The following AGBL4 variants were observed in gnomAD, a reference collection of about 807,000 sequenced individuals.
The protein encoded by AGBL4 is cytosolic carboxypeptidase 6.
A neutral mutation model predicts 66.4 loss-of-function variants in AGBL4; 58 were observed. That is an observed-to-expected ratio of 0.87 (90% CI 0.71 to 1.09). The LOEUF (loss-of-function observed/expected upper bound fraction) is 1.09. AGBL4 is among the 50% of genes least tolerant of loss of function. The pLI, the probability that AGBL4 is intolerant of heterozygous loss-of-function variation, is 0.00. For synonymous variants in AGBL4, 234 were observed against 222.9 expected (o/e 1.05, Z -0.44); for missense variants, 579 against 631.0 (o/e 0.92, Z 0.88).
At chr1:48,605,264 T>C (rs1187348379) in intron 9 of AGBL4, among the ~76,000 whole-genome samples, 2 of 152,192 alleles carry the variant, frequency 1.3e-5, no homozygotes, top group Admixed American at 1.3e-4. Flanking sequence ...GGAATATATT[T>C]TCCACATGTG....
intron 1 of AGBL4, among the ~76,000 whole-genome samples, chr1:49,956,121 T>C (rs1322557132): frequency 6.6e-6 from 1 of 151,884 alleles, no homozygotes; most frequent in East Asian, 1.9e-4. Flanking sequence ...ATCAGAAATA[T>C]GTCAGAACAT....
chr1:48,539,213 A>T (rs1177903790), intron 12 of AGBL4, among the ~76,000 whole-genome samples: 3 of 152,176 alleles, frequency 2.0e-5, no homozygotes, highest in Admixed American at 6.5e-5. Context: ...TGGGTGCTTT[A>T]ACACATATCT....
At position 49,697,357 on chromosome 1, in the gene AGBL4, G is replaced by A. The variant is rs1345349497; in HGVS notation, c.238C>T (p.Arg80Ter). 1.5e-5 allele frequency: 23 copies of A among 1,548,132 alleles called. No individual in the cohort carries two copies. Among genetic ancestry groups the A allele is most frequent in the Admixed American group, 2.0e-5 (1 of 50,948 alleles). ...TCAACAGTAAAGTTGAACCAGACTC[G>A]GAAGCGTGGATTACAGGTGTCCGGC... ...IRPDTCNPRF[R>*]VWFNFTVENV... The change falls in exon 3 of 14, where the codon CGA (arginine) becomes TGA (stop). Residue 80 changes from arginine to a stop codon, truncating the protein, a stop_gained. Transcript: ENST00000371839. LOFTEE classifies it high-confidence loss of function.
intron 1 of AGBL4, among the ~76,000 whole-genome samples, chr1:49,927,879 A>G (rs1652949577): frequency 6.6e-6 from 1 of 152,240 alleles, no homozygotes; most frequent in South Asian, 2.1e-4. Flanking sequence ...AGAATAATCA[A>G]TCAGTTAAAA....
intron 4 of AGBL4, among the ~76,000 whole-genome samples, chr1:49,214,320 G>T (rs1239940630): frequency 6.6e-6 from 1 of 152,090 alleles, no homozygotes; most frequent in African/African-American, 2.4e-5. Context: ...AAATGGGGCT[G>T]GTGTAATTGG....
intron 3 of AGBL4, among the ~76,000 whole-genome samples, chr1:49,412,006 A>C (rs1262314912): frequency 6.6e-6 from 1 of 152,190 alleles, no homozygotes; most frequent in Non-Finnish European, 1.5e-5. Flanking sequence ...TTTCTAGACC[A>C]ATCAATTTCT....
At chr1:49,945,334 T>C (rs1655112829) in intron 1 of AGBL4, among the ~76,000 whole-genome samples, 1 of 152,140 alleles carries the variant, frequency 6.6e-6, no homozygotes, top group East Asian at 1.9e-4. Flanking sequence ...AGGTAACCTA[T>C]AAAGAAAAAC....
intron 3 of AGBL4, among the ~76,000 whole-genome samples, chr1:49,391,643 G>T (rs1420088007): frequency 6.8e-6 from 1 of 147,468 alleles, no homozygotes; most frequent in Admixed American, 7.0e-5. Context: ...CTCACTGCAA[G>T]CTCCGCCTCC....
At chr1:48,603,939 A>G (rs746230165) in intron 9 of AGBL4, among the ~76,000 whole-genome samples, 2 of 151,910 alleles carry the variant, frequency 1.3e-5, no homozygotes, top group Non-Finnish European at 2.9e-5. Context: ...CTCTACTAAG[A>G]AAAACAACAA....
intron 3 of AGBL4, among the ~76,000 whole-genome samples, chr1:49,441,888 C>T (rs570639158): frequency 1.2e-4 from 18 of 152,212 alleles, no homozygotes; most frequent in African/African-American, 2.2e-4. Flanking sequence ...AAAATGGCCA[C>T]GGTGGCAGGG....
intron 5 of AGBL4, among the ~76,000 whole-genome samples, chr1:48,941,598 G>T (rs773050829): frequency 3.9e-5 from 6 of 152,164 alleles, no homozygotes; most frequent in Non-Finnish European, 8.8e-5. Flanking sequence ...AAGCTGTGTG[G>T]GGAAGAGCAA....
At chr1:49,772,100 G>A (rs2147885539) in intron 2 of AGBL4, among the ~76,000 whole-genome samples, 1 of 151,996 alleles carries the variant, frequency 6.6e-6, no homozygotes, top group Non-Finnish European at 1.5e-5. Context: ...GGTTGTCTGT[G>A]GTACTCAGAT....
At chr1:49,583,180 C>T (rs1644578933) in intron 3 of AGBL4, among the ~76,000 whole-genome samples, 1 of 152,078 alleles carries the variant, frequency 6.6e-6, no homozygotes, top group Non-Finnish European at 1.5e-5. Context: ...TTGATGGGCT[C>T]CTGGATAGCT....
chr1:49,716,917 G>T (rs1292683331), intron 2 of AGBL4, among the ~76,000 whole-genome samples: 5 of 152,124 alleles, frequency 3.3e-5, no homozygotes, highest in Non-Finnish European at 7.4e-5. Flanking sequence ...AGTGTTGGAA[G>T]TTCTCTCCAG....
At chr1:48,561,236 CTTCT>C (rs1209035851) in intron 11 of AGBL4, among the ~76,000 whole-genome samples, 1 of 151,124 alleles carries the variant, frequency 6.6e-6, no homozygotes, top group Non-Finnish European at 1.5e-5. Context: ...TTTCTTTTTC[CTTCT>C]TTCTCTTTCC....
intron 5 of AGBL4, among the ~76,000 whole-genome samples, chr1:48,922,897 T>C (rs1654210714): frequency 6.6e-6 from 1 of 151,532 alleles, no homozygotes; most frequent in East Asian, 1.9e-4. Context: ...ATAAATGATA[T>C]ATAACTATAA....
At chr1:48,762,654 G>GTA (rs1557962491) in intron 6 of AGBL4, among the ~76,000 whole-genome samples, 22 of 143,678 alleles carry the variant, frequency 1.5e-4, no homozygotes, top group Non-Finnish European at 3.0e-4. Flanking sequence ...GTGTGTGTGT[G>GTA]TGTGTATGTA....
chr1:49,251,871 T>C (rs1045781661), intron 3 of AGBL4, among the ~76,000 whole-genome samples: 7 of 152,068 alleles, frequency 4.6e-5, no homozygotes, highest in African/African-American at 1.7e-4. Context: ...ATCCACCTTA[T>C]ACCACAAACC....
intron 1 of AGBL4, among the ~76,000 whole-genome samples, chr1:49,878,437 C>T (rs1030431098): frequency 6.6e-6 from 1 of 151,624 alleles, no homozygotes; most frequent in African/African-American, 2.4e-5. Context: ...CATTCAGGAG[C>T]AGGTTGTTCA....
Sources: gnomAD v4.1 joint callset for allele counts (sites outside exome capture counted in the v4.1 genomes callset) on GRCh38, gnomAD v4.1.1 for gene constraint, MANE v1.5 for transcripts, NCBI Gene and HGNC (gene_info 2026-07-23, HGNC 2026-07-21) for gene names.